PPP6C: variants seen among roughly 807,000 people sequenced by gnomAD.
PPP6C encodes the protein protein phosphatase 6 catalytic subunit.
PPP6C carries 11 observed loss-of-function variants against 39.8 expected under a neutral mutation model. The observed-to-expected ratio is 0.28, with a 90% CI of 0.17 to 0.46. PPP6C has a LOEUF of 0.46. PPP6C is among the 20% of genes least tolerant of loss of function. The pLI, the probability that PPP6C is intolerant of heterozygous loss-of-function variation, is 1.00. For missense variants in PPP6C, 211 were observed against 373.9 expected, an observed-to-expected ratio of 0.56 and a Z score of 3.59; for synonymous variants, 129 against 130.3, an observed-to-expected ratio of 0.99 and a Z score of 0.07.
chr9:125,157,988 C>T (rs1836122310), intron 4 of PPP6C, among the ~76,000 whole-genome samples: 1 of 152,014 alleles, frequency 6.6e-6, no homozygotes, highest in Non-Finnish European at 1.5e-5. Flanking sequence ...CCCACCCGGC[C>T]GGCAATCTAC....
intron 1 of PPP6C, among the ~76,000 whole-genome samples, chr9:125,175,793 C>T (rs1336346603): frequency 1.3e-5 from 2 of 152,034 alleles, no homozygotes; most frequent in African/African-American, 2.4e-5. Flanking sequence ...TTGTTCAATG[C>T]AACAAATATT....
chr9:125,183,687 T>C (rs866721429), intron 1 of PPP6C, among the ~76,000 whole-genome samples: 5 of 152,188 alleles, frequency 3.3e-5, no homozygotes, highest in Admixed American at 6.5e-5. Context: ...CATTATACTA[T>C]TGCACATGGT....
chr9:125,189,246 C>G (rs1263417297), intron 1 of PPP6C, among the ~76,000 whole-genome samples: 1 of 152,234 alleles, frequency 6.6e-6, no homozygotes, highest in Non-Finnish European at 1.5e-5. Flanking sequence ...CCACTCCGCG[C>G]TCCTGTCACC....
chr9:125,159,768 T>C (rs765733104), intron 3 of PPP6C, among the ~76,000 whole-genome samples: 3 of 152,184 alleles, frequency 2.0e-5, no homozygotes, highest in Admixed American at 6.5e-5. Context: ...TCCCAGCACT[T>C]TGGGAGGCCA....
intron 1 of PPP6C, among the ~76,000 whole-genome samples, chr9:125,188,173 C>CAGG (rs1829572721): frequency 6.6e-6 from 1 of 150,950 alleles, no homozygotes; most frequent in South Asian, 2.1e-4. Flanking sequence ...ATCACGAGTT[C>CAGG]AGGAGATCGA....
chr9:125,147,442 G>A lies in PPP6C; in HGVS notation c.*2231C>T, dbSNP rs1177112891. The stretch of plus-strand genomic sequence containing the variant: ...ATATAGTACATAGCCCTTATTTATT[G>A]GAGGGATCCAAAATATTCCTTGTAG... On this transcript the variant is annotated 3_prime_UTR_variant, in exon 7 of 7. Transcript: ENST00000373547. 6.6e-6 allele frequency: 1 copy of A among 152,080 alleles called. No individual in the cohort carries two copies. The highest frequency in any genetic ancestry group is 6.6e-5 in the Admixed American group (1 of 15,264). The allele number at this position is 152,080 out of a possible 1,614,324, so 9.4% of individuals were successfully genotyped here.
chr9:125,150,418 A>AGGGG (rs1029254621), intron 6 of PPP6C, among the ~76,000 whole-genome samples: 2 of 108,694 alleles, frequency 1.8e-5, no homozygotes, highest in African/African-American at 6.4e-5. Flanking sequence ...TCCCAATATA[A>AGGGG]GGGGTGTGTG....
At chr9:125,173,533 G>A (rs983202428) in intron 1 of PPP6C, among the ~76,000 whole-genome samples, 10 of 151,430 alleles carry the variant, frequency 6.6e-5, no homozygotes, top group South Asian at 6.3e-4. Context: ...AACCGAGGTC[G>A]CGCCACTGCA....
intron 2 of PPP6C, among the ~76,000 whole-genome samples, chr9:125,165,341 G>A (rs1260553834): frequency 1.3e-5 from 2 of 152,090 alleles, no homozygotes; most frequent in Admixed American, 6.6e-5. Flanking sequence ...AGAGGTTGCA[G>A]TGAGCTGAGA....
At chr9:125,153,868 G>A in intron 5 of PPP6C, 38 bp downstream of exon 5, 1 of 1,547,444 alleles carries the variant, frequency 6.5e-7, no homozygotes. Flanking sequence ...TGTGTTATTG[G>A]CAGGAACGTA....
At chr9:125,153,091 G>A (rs1234918317) in intron 6 of PPP6C, among the ~76,000 whole-genome samples, 3 of 151,674 alleles carry the variant, frequency 2.0e-5, no homozygotes, top group East Asian at 3.9e-4. Flanking sequence ...TAGCCAACAC[G>A]GTGAAATCCC....
At chr9:125,182,391 G>C (rs1056825166) in intron 1 of PPP6C, among the ~76,000 whole-genome samples, 3 of 152,034 alleles carry the variant, frequency 2.0e-5, no homozygotes, top group African/African-American at 7.2e-5. Context: ...CCTGTAAAAT[G>C]AGCATTTTGG....
chr9:125,169,625 G>A (rs184403169), intron 2 of PPP6C, among the ~76,000 whole-genome samples: 1 of 152,066 alleles, frequency 6.6e-6, no homozygotes, highest in Admixed American at 6.6e-5. Flanking sequence ...ACACTACACT[G>A]GGGGAAAACA....
At chr9:125,182,180 G>A (rs541042046) in intron 1 of PPP6C, among the ~76,000 whole-genome samples, 2 of 152,322 alleles carry the variant, frequency 1.3e-5, no homozygotes, top group East Asian at 3.9e-4. Flanking sequence ...TTTGTTCACA[G>A]TTCCATTCTA....
At chr9:125,162,525 G>A (rs1288104963) in intron 2 of PPP6C, among the ~76,000 whole-genome samples, 3 of 149,140 alleles carry the variant, frequency 2.0e-5, no homozygotes, top group Non-Finnish European at 4.4e-5. Context: ...TGTAATCCCA[G>A]CATTGTGGGA....
At chr9:125,165,873 T>C (rs529509620) in intron 2 of PPP6C, among the ~76,000 whole-genome samples, 1 of 145,408 alleles carries the variant, frequency 6.9e-6, no homozygotes, top group Non-Finnish European at 1.5e-5. Flanking sequence ...CTCAGCTCAG[T>C]GCAACCTCCA....
At chr9:125,189,578 AGAAAGGAAGGGCCGG>A (rs1417709011) in intron 1 of PPP6C, 51 bp downstream of exon 1, 1 of 1,606,186 alleles carries the variant, frequency 6.2e-7, no homozygotes, top group Non-Finnish European at 8.5e-7. Flanking sequence ...GGGGTCCTGG[AGAAAGGAAGGGCCGG>A]CCGGCGGGCG....
chr9:125,170,877 T>C (rs1276842078), intron 2 of PPP6C, among the ~76,000 whole-genome samples: 1 of 152,220 alleles, frequency 6.6e-6, no homozygotes, highest in Non-Finnish European at 1.5e-5. Flanking sequence ...AATGTAATTA[T>C]CAACAAATTC....
chr9:125,168,490 C>T (rs1829072915), intron 2 of PPP6C, among the ~76,000 whole-genome samples: 1 of 152,178 alleles, frequency 6.6e-6, no homozygotes, highest in Admixed American at 6.6e-5. Context: ...CGGAGTTTCG[C>T]TCTTGTTGCC....
Sources: gnomAD v4.1 joint callset for allele counts (sites outside exome capture counted in the v4.1 genomes callset) on GRCh38, gnomAD v4.1.1 for gene constraint, MANE v1.5 for transcripts, NCBI Gene and HGNC (gene_info 2026-07-23, HGNC 2026-07-21) for gene names.